FBXO34: variants seen among roughly 807,000 people sequenced by gnomAD.
The protein encoded by FBXO34 is F-box protein 34.
A neutral mutation model predicts 24.5 loss-of-function variants in FBXO34; 12 were observed. The ratio of observed to expected loss-of-function variants is 0.49; its 90% CI spans 0.31 to 0.79. FBXO34 has a LOEUF of 0.79. FBXO34 is among the 30% of genes least tolerant of loss of function. The pLI, the probability that FBXO34 is intolerant of heterozygous loss-of-function variation, is 0.04. For synonymous variants in FBXO34, 320 were observed against 311.9 expected (o/e 1.03, Z -0.27); for missense variants, 823 against 857.7 (o/e 0.96, Z 0.51).
downstream of FBXO34, chr14:55,369,702 C>A (rs144919020): frequency 3.1e-6 from 5 of 1,607,390 alleles, no homozygotes; most frequent in Middle Eastern, 1.7e-4. Context: ...CTGCTGCTCG[C>A]GATGGGTGGG....
chr14:55,420,027 T>C, the FBXO34 span, among the ~76,000 whole-genome samples: 1 of 152,224 alleles, frequency 6.6e-6, no homozygotes, highest in African/African-American at 2.4e-5. Flanking sequence ...CCTTGGTTCC[T>C]TTCCTGAGGT....
the FBXO34 span, among the ~76,000 whole-genome samples, chr14:55,421,855 T>C: frequency 6.6e-6 from 1 of 152,220 alleles, no homozygotes; most frequent in Non-Finnish European, 1.5e-5. Context: ...AACAGACATG[T>C]CATTTTGCTG....
chr14:55,404,663 G>A, the FBXO34 span, among the ~76,000 whole-genome samples: 4 of 152,174 alleles, frequency 2.6e-5, no homozygotes, highest in Non-Finnish European at 4.4e-5. Context: ...GTGTACAGGT[G>A]GGGGGTGCTG....
chr14:55,295,431 G>T (rs904862628), intron 1 of FBXO34, among the ~76,000 whole-genome samples: 3 of 109,350 alleles, frequency 2.7e-5, no homozygotes, highest in African/African-American at 3.7e-5. Flanking sequence ...TCTCTCGTCT[G>T]TTGCCCAGGC....
At chr14:55,305,133 C>G (rs1882493943) in intron 1 of FBXO34, among the ~76,000 whole-genome samples, 1 of 152,162 alleles carries the variant, frequency 6.6e-6, no homozygotes, top group Admixed American at 6.5e-5. Context: ...TGAGTCTTGG[C>G]CGGGCCTGAT....
chr14:55,336,978 T>C lies in FBXO34; in HGVS notation c.-10-13403T>C, dbSNP rs535801416. Reference sequence around the variant, plus strand: ...GGTCTCTTCACTCTTTTTTTTATTTTATTTTTTTTTTTTTTTTGAGACAGT... The same window carrying C: ...GGTCTCTTCACTCTTTTTTTTATTTCATTTTTTTTTTTTTTTTGAGACAGT... On this transcript the variant is annotated intron_variant, in intron 1 of 1. Transcript: ENST00000313833. 2.9e-3 allele frequency among the ~76,000 whole-genome samples: 208 copies of C among 71,584 alleles called. 1 individual carries two copies. The highest frequency in any genetic ancestry group is 3.5e-3 in the Non-Finnish European group (165 of 47,528). 47.0% of individuals were successfully genotyped at this position (71,584 alleles called of 152,430 possible). A position where few individuals can be genotyped will look rare whatever the true frequency, so the allele number is the denominator to read the frequency against.
chr14:55,378,693 C>G, the FBXO34 span, among the ~76,000 whole-genome samples: 1 of 151,858 alleles, frequency 6.6e-6, no homozygotes, highest in Non-Finnish European at 1.5e-5. Context: ...ACCACATTCC[C>G]TCTTACCTTT....
Position 55,331,717 on chromosome 14 carries a change from G to GTGTATATA in FBXO34, c.-10-18663_-10-18662insGTATATAT, listed in dbSNP as rs1474558737. On this transcript the variant is annotated intron_variant, in intron 1 of 1. Transcript: ENST00000313833. ...TATATATATATATGTATATATATATGTATATATATATGTATATATATATGT... is the reference window on the plus strand; with the variant it reads ...TATATATATATATGTATATATATATGTGTATATATATATATATATGTATATATATATGT... Among the ~76,000 whole-genome samples the GTGTATATA allele has an allele frequency of 2.0e-4, 6 of 30,610 alleles. 3 individuals carry two copies. Among genetic ancestry groups the GTGTATATA allele is most frequent in the African/African-American group, 1.8e-3 (4 of 2,250 alleles). The allele number at this position is 30,610 out of a possible 152,430, so 20.1% of individuals were successfully genotyped here.
chr14:55,354,508 A>ACT (rs1468608855), downstream of FBXO34: 2 of 152,144 alleles, frequency 1.3e-5, no homozygotes, highest in African/African-American at 4.8e-5. Flanking sequence ...CAGATCAGCC[A>ACT]CTCTTGATCT....
At chr14:55,272,542 T>A (rs1043650245) in intron 1 of FBXO34, among the ~76,000 whole-genome samples, 11 of 151,506 alleles carry the variant, frequency 7.3e-5, no homozygotes, top group South Asian at 2.1e-4. Flanking sequence ...TTTTTTTTTT[T>A]AACTGGACAT....
chr14:55,428,903 A>T, the FBXO34 span: 1 of 1,614,190 alleles, frequency 6.2e-7, no homozygotes, highest in Non-Finnish European at 8.5e-7. Context: ...AAAATCGAGG[A>T]ATCTGGCAGG....
At chr14:55,440,455 G>GTCCAT in the FBXO34 span, 1 of 1,611,482 alleles carries the variant, frequency 6.2e-7, no homozygotes, top group Non-Finnish European at 8.5e-7. Context: ...TCCATGGACC[G>GTCCAT]TAATCCCACT....
the FBXO34 span, chr14:55,428,880 T>C: frequency 3.1e-6 from 5 of 1,614,094 alleles, no homozygotes; most frequent in Non-Finnish European, 4.2e-6. Flanking sequence ...CTTCCAACCA[T>C]GTTCTGAATT....
chr14:55,360,752 C>G (rs946760116), intron 3 of FBXO34, among the ~76,000 whole-genome samples: 1 of 152,066 alleles, frequency 6.6e-6, no homozygotes, highest in Non-Finnish European at 1.5e-5. Context: ...AATCCCAGCA[C>G]TTTGGGAGGC....
At chr14:55,277,018 A>G (rs996405671) in intron 1 of FBXO34, among the ~76,000 whole-genome samples, 2 of 152,258 alleles carry the variant, frequency 1.3e-5, no homozygotes, top group Non-Finnish European at 2.9e-5. Flanking sequence ...AAACTTGTAT[A>G]TAGTAAAATG....
the FBXO34 span, chr14:55,377,834 G>A: frequency 1.3e-6 from 2 of 1,592,364 alleles, no homozygotes; most frequent in Non-Finnish European, 1.7e-6. Flanking sequence ...TAGGTGTTCA[G>A]AGCTTGGACT....
At chr14:55,402,177 G>A in the FBXO34 span, among the ~76,000 whole-genome samples, 7 of 152,108 alleles carry the variant, frequency 4.6e-5, no homozygotes, top group Admixed American at 4.6e-4. Context: ...ACAATTTACT[G>A]AGCACTTACT....
chr14:55,364,149 AT>A (rs1566573552), downstream of FBXO34, among the ~76,000 whole-genome samples: 1 of 151,896 alleles, frequency 6.6e-6, no homozygotes. Flanking sequence ...GGGTTTCTCC[AT>A]GTTGGTCAGG....
the FBXO34 span, among the ~76,000 whole-genome samples, chr14:55,410,160 G>A: frequency 6.6e-6 from 1 of 152,128 alleles, no homozygotes; most frequent in African/African-American, 2.4e-5. Context: ...GATTTATGAT[G>A]GAAAACAAGG....
Sources: gnomAD v4.1 joint callset for allele counts (sites outside exome capture counted in the v4.1 genomes callset) on GRCh38, gnomAD v4.1.1 for gene constraint, MANE v1.5 for transcripts, NCBI Gene and HGNC (gene_info 2026-07-23, HGNC 2026-07-21) for gene names.